The following PTPRD variants were observed in gnomAD, a reference collection of about 807,000 sequenced individuals.
PTPRD encodes the protein receptor-type tyrosine-protein phosphatase delta.
In PTPRD, 34 loss-of-function variants were observed where a neutral mutation model predicts 214.5. That is an observed-to-expected ratio of 0.16 (90% CI 0.12 to 0.21). The LOEUF is 0.21. PTPRD is among the 10% of genes least tolerant of loss of function. The pLI, the probability that PTPRD is intolerant of heterozygous loss-of-function variation, is 1.00. For missense variants in PTPRD, 2,545 were observed against 2,398.7 expected, an observed-to-expected ratio of 1.06 and a Z score of -1.27; for synonymous variants, 1,128 against 845.7, an observed-to-expected ratio of 1.33 and a Z score of -5.79.
intron 5 of PTPRD, among the ~76,000 whole-genome samples, chr9:9,824,226 A>G (rs183447080): frequency 6.6e-6 from 1 of 152,054 alleles, no homozygotes; most frequent in Non-Finnish European, 1.5e-5. Context: ...CAAGCCAGGA[A>G]TTTTGGATTA....
chr9:8,338,681 G>T (rs544103163), intron 43 of PTPRD, among the ~76,000 whole-genome samples: 1 of 152,150 alleles, frequency 6.6e-6, no homozygotes, highest in Admixed American at 6.6e-5. Context: ...GCATCCCCAA[G>T]GTTGAGCTGC....
intron 11 of PTPRD, among the ~76,000 whole-genome samples, chr9:8,872,773 A>T (rs907488907): frequency 6.6e-6 from 1 of 152,196 alleles, no homozygotes; most frequent in Non-Finnish European, 1.5e-5. Flanking sequence ...GAAAGAACAA[A>T]TTTTTCAGTA....
chr9:8,754,370 C>T (rs1042531861), intron 11 of PTPRD, among the ~76,000 whole-genome samples: 1 of 152,040 alleles, frequency 6.6e-6, no homozygotes, highest in Non-Finnish European at 1.5e-5. Flanking sequence ...TATAAAGCCA[C>T]AGAAATTAAG....
intron 2 of PTPRD, among the ~76,000 whole-genome samples, chr9:10,419,241 A>G (rs1017263850): frequency 4.6e-5 from 7 of 151,956 alleles, no homozygotes; most frequent in Non-Finnish European, 7.4e-5. Context: ...TCAGTGGTCA[A>G]AAAAGATGGC....
chr9:8,885,763 C>T (rs965691947), intron 11 of PTPRD, among the ~76,000 whole-genome samples: 3 of 152,048 alleles, frequency 2.0e-5, no homozygotes, highest in Admixed American at 6.6e-5. Flanking sequence ...TCCCAATGTG[C>T]TGGGATTATC....
intron 11 of PTPRD, among the ~76,000 whole-genome samples, chr9:8,963,392 G>A (rs2099168835): frequency 6.6e-6 from 1 of 152,046 alleles, no homozygotes; most frequent in Admixed American, 6.6e-5. Context: ...AGTTACTCAT[G>A]GAATTACATT....
chr9:10,577,504 C>A (rs1351258709), intron 2 of PTPRD, among the ~76,000 whole-genome samples: 1 of 152,184 alleles, frequency 6.6e-6, no homozygotes. Flanking sequence ...CTCTGTTCTC[C>A]TGTTGAGCCT....
intron 3 of PTPRD, among the ~76,000 whole-genome samples, chr9:10,265,225 C>T (rs1219122924): frequency 1.3e-5 from 2 of 152,158 alleles, no homozygotes; most frequent in Non-Finnish European, 2.9e-5. Context: ...CTGGAGCTTA[C>T]TCTCCCTTGC....
At position 8,341,795 on chromosome 9, in the gene PTPRD, A is replaced by G; in HGVS notation, c.4845T>C (p.Cys1615=). 6.2e-7 allele frequency: 1 copy of G among 1,613,638 alleles called. No homozygotes were observed. The highest frequency in any genetic ancestry group is 1.7e-5 in the Admixed American group (1 of 59,952). ...IHDALLEAVT[C]GNTEVPARNL... is the part of the protein sequence containing the mutation. ...TTCTAGCTGGCACTTCGGTATTTCC[A>G]CAAGTCACTGCTTCTAACAGTGCAT... is the stretch of plus-strand genomic sequence containing the variant. The change falls in exon 40 of 46, where the codon TGT becomes TGC. Residue 1615 remains cysteine, a synonymous_variant. Transcript: ENST00000381196.
chr9:10,528,988 C>A (rs555799686), intron 2 of PTPRD, among the ~76,000 whole-genome samples: 1 of 151,968 alleles, frequency 6.6e-6, no homozygotes, highest in South Asian at 2.1e-4. Context: ...ATAGATGTGC[C>A]GGAAAAATTT....
intron 12 of PTPRD, among the ~76,000 whole-genome samples, chr9:8,732,125 G>A (rs955264960): frequency 6.6e-6 from 1 of 152,120 alleles, no homozygotes; most frequent in African/African-American, 2.4e-5. Flanking sequence ...GTAAGATGAC[G>A]GTTATCTGCA....
chr9:8,317,573 G>GTTCT lies in PTPRD; in HGVS notation c.*297_*300dup. On this transcript the variant is annotated 3_prime_UTR_variant, in exon 46 of 46. Transcript: ENST00000381196. ...TCAAGCAATCCTGAATAAGATGGTG[G>GTTCT]TTCTTTGCTGTGATTTCTTCTTCCC... 1 of 318,994 alleles carries GTTCT rather than the reference G, an allele frequency of 3.1e-6. No homozygotes were observed. 19.8% of individuals were successfully genotyped at this position (318,994 alleles called of 1,614,324 possible).
At chr9:9,792,180 G>T (rs148992004) in intron 5 of PTPRD, among the ~76,000 whole-genome samples, 1 of 151,834 alleles carries the variant, frequency 6.6e-6, no homozygotes, top group South Asian at 2.1e-4. Flanking sequence ...GCAGCAAGAT[G>T]ACCACCCTTC....
intron 8 of PTPRD, among the ~76,000 whole-genome samples, chr9:9,508,784 C>A (rs72706517): frequency 0.031 from 4,685 of 151,696 alleles, 88 homozygotes; most frequent in Middle Eastern, 0.12. Context: ...TTCCTTTTCC[C>A]TGGCTGTCTC....
At chr9:8,453,970 C>G (rs914784318) in intron 33 of PTPRD, among the ~76,000 whole-genome samples, 1 of 152,074 alleles carries the variant, frequency 6.6e-6, no homozygotes, top group Non-Finnish European at 1.5e-5. Context: ...TATATTTATA[C>G]ATAAGTGTAT....
At chr9:9,010,380 A>T (rs558295804) in intron 11 of PTPRD, among the ~76,000 whole-genome samples, 1 of 152,226 alleles carries the variant, frequency 6.6e-6, no homozygotes, top group South Asian at 2.1e-4. Context: ...TTCCATTCTC[A>T]CCTTTTATCC....
At chr9:9,642,108 C>A (rs934609312) in intron 7 of PTPRD, among the ~76,000 whole-genome samples, 1 of 148,372 alleles carries the variant, frequency 6.7e-6, no homozygotes, top group Admixed American at 6.8e-5. Flanking sequence ...AGTTCATATC[C>A]TTTGTAGGGA....
chr9:9,725,295 G>C (rs942831408), intron 7 of PTPRD, among the ~76,000 whole-genome samples: 2 of 140,842 alleles, frequency 1.4e-5, no homozygotes, highest in East Asian at 2.0e-4. Context: ...TATTAAAAAT[G>C]GGAGTTTCCC....
intron 5 of PTPRD, among the ~76,000 whole-genome samples, chr9:9,818,781 T>C (rs1312899655): frequency 6.6e-6 from 1 of 151,812 alleles, no homozygotes; most frequent in Non-Finnish European, 1.5e-5. Context: ...CTGGGTGTAG[T>C]GGTGTGCGCC....
Sources: allele counts gnomAD v4.1 joint callset (sites outside exome capture counted in the v4.1 genomes callset), GRCh38; gene constraint gnomAD v4.1.1; transcripts MANE v1.5; gene names NCBI Gene and HGNC (gene_info 2026-07-23, HGNC 2026-07-21).